Variants in TASOR observed in about 807,000 individuals in gnomAD.
TASOR encodes the protein transcription activation suppressor.
A neutral mutation model predicts 178.6 loss-of-function variants in TASOR; 53 were observed. The ratio of observed to expected loss-of-function variants is 0.30; its 90% CI spans 0.24 to 0.37. The LOEUF is 0.37. Ranked by LOEUF, TASOR falls within the 10% of genes least tolerant of loss-of-function variation. The pLI, the probability that TASOR is intolerant of heterozygous loss-of-function variation, is 1.00. For synonymous variants in TASOR, 713 were observed against 696.2 expected (o/e 1.02, Z -0.38); for missense variants, 1,815 against 1,971.4 (o/e 0.92, Z 1.50).
At chr3:56,632,392 T>C (rs1197790709) in intron 18 of TASOR, among the ~76,000 whole-genome samples, 1 of 151,850 alleles carries the variant, frequency 6.6e-6, no homozygotes, top group Non-Finnish European at 1.5e-5. Context: ...GGAGAATCGC[T>C]TGAACTTGGG....
At chr3:56,628,714 C>G in intron 18 of TASOR, 100 bp from the exon 19 acceptor site, 2 of 760,968 alleles carry the variant, frequency 2.6e-6, no homozygotes, top group Non-Finnish European at 4.1e-6. Flanking sequence ...TAACTACTAC[C>G]ATGACATTAT....
At chr3:56,653,451 CAAA>C (rs1341273767) in intron 11 of TASOR, among the ~76,000 whole-genome samples, 1 of 137,628 alleles carries the variant, frequency 7.3e-6, no homozygotes. Context: ...CATCAAAGAC[CAAA>C]AAAAAAAAAG....
rs2077252997 is a variant in TASOR at position 56,647,173 on chromosome 3, G to A, written c.1564C>T (p.Pro522Ser). 4 of 1,590,776 alleles carry A rather than the reference G, an allele frequency of 2.5e-6. No homozygotes were observed. The highest frequency in any genetic ancestry group is 1.4e-5 in the African/African-American group (1 of 73,364). Residue 522 changes from proline to serine, a missense_variant, in exon 14 of 24, where the codon CCA (proline) becomes TCA (serine). Coordinates refer to ENST00000683822, the MANE Select transcript of TASOR (RefSeq NM_001365635.2). ...AAPQERHESM[P>S]DVLKIAQFLQ... ...AACTGAGCTATTTTTAATACATCTG[G>A]CATGCTCTCATGCCTCTCCTGTGGT...
intron 18 of TASOR, 30 bp downstream of exon 18, chr3:56,633,014 A>G: frequency 6.8e-7 from 1 of 1,476,836 alleles, no homozygotes; most frequent in Non-Finnish European, 9.1e-7. Context: ...AAGTTTGTAC[A>G]GCATTACTAT....
chr3:56,632,339 G>C (rs912293843), intron 18 of TASOR, among the ~76,000 whole-genome samples: 3 of 152,000 alleles, frequency 2.0e-5, no homozygotes, highest in Non-Finnish European at 4.4e-5. Flanking sequence ...GCCAGGCATG[G>C]TGTGGCACGC....
At position 56,621,414 on chromosome 3, in the gene TASOR, A is replaced by T. The variant is rs1280861390; in HGVS notation, c.*1623T>A. On this transcript the variant is annotated 3_prime_UTR_variant, in exon 24 of 24. Coordinates refer to ENST00000683822, the MANE Select transcript of TASOR (RefSeq NM_001365635.2). ...CAAGCATTTCTGAAAAAATTTTTGAATGACAAAATTTTATCCTAAGCGATA... is the reference window on the plus strand; with the variant it reads ...CAAGCATTTCTGAAAAAATTTTTGATTGACAAAATTTTATCCTAAGCGATA... The T allele has an allele frequency of 2.8e-5, 19 of 668,626 alleles. No individual in the cohort carries two copies. The highest frequency in any genetic ancestry group is 3.9e-5 in the Non-Finnish European group (16 of 411,838). The allele number at this position is 668,626 out of a possible 1,614,324, so 41.4% of individuals were successfully genotyped here. A position where few individuals can be genotyped will look rare whatever the true frequency, so the allele number is the denominator to read the frequency against.
rs2029963811 is a variant in TASOR, at chr3:56,666,311, G to T, written c.971C>A (p.Ser324Tyr). The change falls in exon 7 of 24, where the codon TCT (serine) becomes TAT (tyrosine). Residue 324 changes from serine (S) to tyrosine (Y), a missense_variant. Transcript: ENST00000683822. ...TTGTATATCATCTTTGTAAGTAAAA[G>T]ACACAACTGCATATGGACAAACGTG... Reference protein sequence around the residue: ...PRHVCPYAVVSFTYKDDIQTP... With the variant: ...PRHVCPYAVVYFTYKDDIQTP... 5 of 1,547,106 alleles carry T rather than the reference G, an allele frequency of 3.2e-6. No individual in the cohort carries two copies. Among genetic ancestry groups the T allele is most frequent in the Non-Finnish European group, 4.4e-6 (5 of 1,145,012 alleles).
At chr3:56,672,480 G>A (rs1039105233) in intron 2 of TASOR, among the ~76,000 whole-genome samples, 4 of 152,196 alleles carry the variant, frequency 2.6e-5, no homozygotes, top group Middle Eastern at 3.4e-3. Context: ...TAAAAAATTC[G>A]TATTTCAGGT....
intron 17 of TASOR, among the ~76,000 whole-genome samples, chr3:56,635,326 T>G (rs978192566): frequency 2.6e-5 from 4 of 152,172 alleles, no homozygotes; most frequent in African/African-American, 7.2e-5. Context: ...TAGAACTGTA[T>G]GAAATTGATA....
chr3:56,628,777 C>A, intron 18 of TASOR, 163 bp from the exon 19 acceptor site: 1 of 472,288 alleles, frequency 2.1e-6, no homozygotes, highest in East Asian at 4.0e-5. Context: ...TTTTTTTTTT[C>A]TTTGAGACAG....
intron 1 of TASOR, among the ~76,000 whole-genome samples, chr3:56,679,486 T>G (rs1051320408): frequency 6.6e-6 from 1 of 152,208 alleles, no homozygotes; most frequent in Non-Finnish European, 1.5e-5. Flanking sequence ...TGAAATACCA[T>G]GGAAATTTCC....
At chr3:56,630,972 C>T (rs1363475037) in intron 18 of TASOR, among the ~76,000 whole-genome samples, 8 of 151,838 alleles carry the variant, frequency 5.3e-5, no homozygotes, top group East Asian at 1.9e-4. Context: ...CTAAGCACAC[C>T]GGGAACTGTG....
Position 56,660,795 on chromosome 3 carries a change from A to G in TASOR, c.1304T>C (p.Val435Ala), listed in dbSNP as rs998063243. 3.7e-6 allele frequency: 6 copies of G among 1,613,722 alleles called. No individual in the cohort carries two copies. The highest frequency in any genetic ancestry group is 5.1e-6 in the Non-Finnish European group (6 of 1,179,988). The change falls in exon 11 of 24, where the codon GTG (valine) becomes GCG (alanine). Residue 435 changes from valine to alanine, a missense_variant. By Grantham distance (64) the Val-to-Ala change is moderately conservative. Transcript: ENST00000683822. ...GTTACTTCCAATTCTTGTCTTTTCC[A>G]CAACTTCATAAAGGCTGCAATACAT... ...NGMYCSLYEV[V>A]EKTRIGSNME...
chr3:56,621,355 T>C lies in TASOR; in HGVS notation c.*1682A>G. 1 of 414,428 alleles carries C rather than the reference T, an allele frequency of 2.4e-6. No homozygotes were observed. Among genetic ancestry groups the C allele is most frequent in the Non-Finnish European group, 4.3e-6 (1 of 231,464 alleles). 25.7% of individuals were successfully genotyped at this position (414,428 alleles called of 1,614,324 possible). ...TGCTAAAAACAGAATCTTACAAATG[T>C]GATAGCTATATATCCAAATGAGGTG... On this transcript the variant is annotated 3_prime_UTR_variant, in exon 24 of 24. Coordinates refer to ENST00000683822, the MANE Select transcript of TASOR (RefSeq NM_001365635.2).
intron 15 of TASOR, 21 bp from the exon 16 acceptor site, chr3:56,640,151 T>C: frequency 6.3e-7 from 1 of 1,599,434 alleles, no homozygotes; most frequent in Admixed American, 1.7e-5. Flanking sequence ...AAGTACACAC[T>C]GAATAGCTTT....
At chr3:56,676,895 A>T (rs956561506) in intron 1 of TASOR, among the ~76,000 whole-genome samples, 2 of 152,254 alleles carry the variant, frequency 1.3e-5, no homozygotes, top group Non-Finnish European at 2.9e-5. Flanking sequence ...ATTGCAAATG[A>T]AAAGGAAAAA....
chr3:56,632,669 G>A (rs1004929529), intron 18 of TASOR, among the ~76,000 whole-genome samples: 1 of 152,010 alleles, frequency 6.6e-6, no homozygotes, highest in African/African-American at 2.4e-5. Flanking sequence ...TTTATTTTTA[G>A]AGACAGGGTC....
In TASOR at chr3:56,633,170, A is replaced by G. The variant is rs1381737849; in HGVS notation, c.3621T>C (p.Asn1207=). The change falls in exon 18 of 24, where the codon AAT becomes AAC. Residue 1207 remains asparagine (N), a synonymous_variant. Transcript: ENST00000683822. ...VNISAQPALS[N]FISQLEPEVF... ...CTTCAGGTTCTAACTGGCTTATAAA[A>G]TTTGAAAGAGCTGGTTGAGCAGAAA... The G allele has an allele frequency of 3.1e-6, 5 of 1,614,188 alleles. No individual in the cohort carries two copies. In the Admixed American group the frequency reaches 6.7e-5, roughly 22 times the overall value.
chr3:56,659,520 C>T (rs972045506), intron 11 of TASOR, among the ~76,000 whole-genome samples: 1 of 152,186 alleles, frequency 6.6e-6, no homozygotes, highest in Non-Finnish European at 1.5e-5. Flanking sequence ...TAAATTGGAC[C>T]TTACCTCAGA....
Sources: allele counts gnomAD v4.1 joint callset (sites outside exome capture counted in the v4.1 genomes callset), GRCh38; gene constraint gnomAD v4.1.1; transcripts MANE v1.5; gene names NCBI Gene and HGNC (gene_info 2026-07-23, HGNC 2026-07-21).